NAV2: variants seen among roughly 807,000 people sequenced by gnomAD.
The protein encoded by NAV2 is neuron navigator 2.
A neutral mutation model predicts 223.2 loss-of-function variants in NAV2; 54 were observed. That is an observed-to-expected ratio of 0.24 (90% CI 0.19 to 0.30). The LOEUF (loss-of-function observed/expected upper bound fraction) is 0.30, where lower values mean the gene tolerates loss of function less well. NAV2 is among the 10% of genes least tolerant of loss of function. NAV2 has a pLI of 1.00. For missense variants in NAV2, 2,806 were observed against 3,147.5 expected (o/e 0.89, Z 2.60); for synonymous variants, 1,279 against 1,239.3 (o/e 1.03, Z -0.67).
In NAV2 at chr11:19,465,399, A is replaced by G. The variant is rs1391019459; in HGVS notation, c.75+114372A>G. On this transcript the variant is annotated intron_variant, in intron 1 of 37. Coordinates refer to the NAV2 transcript ENST00000360655. Reference sequence around the variant, plus strand: ...AGATCTTAACTTTTTCTTTTATAAAATAGCTTCTTTGTATTAAATAACCAT... The same window carrying G: ...AGATCTTAACTTTTTCTTTTATAAAGTAGCTTCTTTGTATTAAATAACCAT... 2.0e-5 allele frequency among the ~76,000 whole-genome samples: 3 copies of G among 152,234 alleles called. No homozygotes were observed. In the East Asian group the frequency reaches 5.8e-4, roughly 29 times the overall value.
chr11:19,860,005 C>CCCAA (rs2061628306), intron 3 of NAV2, among the ~76,000 whole-genome samples: 3 of 125,420 alleles, frequency 2.4e-5, no homozygotes, highest in African/African-American at 9.2e-5. Context: ...GCTGACCCCC[C>CCCAA]CTCCCTCCCG....
At chr11:19,425,794 T>A (rs943030255) in intron 1 of NAV2, among the ~76,000 whole-genome samples, 32 of 152,300 alleles carry the variant, frequency 2.1e-4, no homozygotes, top group African/African-American at 7.5e-4. Context: ...TCATATTAAA[T>A]CCCTTTTTGG....
Position 19,448,773 on chromosome 11 carries a change from C to A in NAV2, c.75+97746C>A, listed in dbSNP as rs182889187. On this transcript the variant is annotated intron_variant, in intron 1 of 37. Coordinates refer to the NAV2 transcript ENST00000360655. ...TGGATATTGCCTAACATATAGTTAG[C>A]ACTTAATAAATGCCATCCGTTTTCT... Among the ~76,000 whole-genome samples, 398 of 152,292 alleles carry A rather than the reference C, an allele frequency of 2.6e-3. 1 individual carries two copies. The highest frequency in any genetic ancestry group is 8.9e-3 in the African/African-American group (369 of 41,538).
chr11:19,444,094 C>A (rs1456761052), intron 1 of NAV2, among the ~76,000 whole-genome samples: 1 of 152,142 alleles, frequency 6.6e-6, no homozygotes, highest in East Asian at 1.9e-4. Flanking sequence ...GCCACCATGA[C>A]ACCACGACTG....
chr11:19,385,303 ATAAATATGTT>A (rs11279990), intron 1 of NAV2, among the ~76,000 whole-genome samples: 92,547 of 151,628 alleles, frequency 0.61, 30,257 homozygotes, highest in Non-Finnish European at 0.72. Context: ...ATAGTTTTGG[ATAAATATGTT>A]TATTCATTCA....
chr11:19,911,031 ATTTTTTT>A (rs996900212), intron 6 of NAV2, among the ~76,000 whole-genome samples: 49 of 123,392 alleles, frequency 4.0e-4, no homozygotes, highest in African/African-American at 1.4e-3. Flanking sequence ...TTGCAAGCAC[ATTTTTTT>A]TTTTTTTTTT....
intron 3 of NAV2, among the ~76,000 whole-genome samples, chr11:19,856,775 C>CAAA (rs148761054): frequency 0.096 from 14,561 of 152,204 alleles, 777 homozygotes; most frequent in Admixed American, 0.14. Flanking sequence ...AGTAGGTGAG[C>CAAA]AAAGTCCTGC....
intron 1 of NAV2, among the ~76,000 whole-genome samples, chr11:19,829,087 T>C (rs2059799956): frequency 6.6e-6 from 1 of 152,220 alleles, no homozygotes; most frequent in Admixed American, 6.5e-5. Context: ...TAAAGAACCT[T>C]AATCATCTAA....
At chr11:19,505,879 C>T (rs2043109077) in intron 1 of NAV2, 1 of 152,158 alleles carries the variant, frequency 6.6e-6, no homozygotes, top group Non-Finnish European at 1.5e-5. Context: ...AAAGGTGAGA[C>T]ACAAGGAAGC....
chr11:19,383,990 A>G (rs1346797422), intron 1 of NAV2, among the ~76,000 whole-genome samples: 2 of 152,264 alleles, frequency 1.3e-5, no homozygotes, highest in Middle Eastern at 3.2e-3. Flanking sequence ...GTAAATTTTC[A>G]GCAATAAGAA....
At chr11:19,614,518 C>A (rs2046737528) in intron 1 of NAV2, among the ~76,000 whole-genome samples, 1 of 152,140 alleles carries the variant, frequency 6.6e-6, no homozygotes, top group African/African-American at 2.4e-5. Flanking sequence ...CATATAGCAT[C>A]CTCTGCTATC....
intron 4 of NAV2, among the ~76,000 whole-genome samples, chr11:19,872,627 A>G (rs1349591443): frequency 6.6e-6 from 1 of 152,230 alleles, no homozygotes; most frequent in African/African-American, 2.4e-5. Context: ...CCATAGATAC[A>G]TCTCCACCCT....
chr11:19,583,298 A>G (rs1259407135), intron 1 of NAV2, among the ~76,000 whole-genome samples: 20 of 152,220 alleles, frequency 1.3e-4, no homozygotes. Context: ...GGGGTTTTCT[A>G]GATATACAAT....
chr11:19,424,894 A>C (rs1850765321), intron 1 of NAV2, among the ~76,000 whole-genome samples: 1 of 152,180 alleles, frequency 6.6e-6, no homozygotes, highest in African/African-American at 2.4e-5. Context: ...AGAATTTAAA[A>C]ATAAAAATAT....
At chr11:19,843,869 C>A (rs764817629) in intron 3 of NAV2, among the ~76,000 whole-genome samples, 2 of 151,018 alleles carry the variant, frequency 1.3e-5, no homozygotes, top group African/African-American at 2.4e-5. Flanking sequence ...GATTGGCATT[C>A]CTTGGGCTTA....
intron 1 of NAV2, among the ~76,000 whole-genome samples, chr11:19,428,067 G>C (rs1850903010): frequency 6.6e-6 from 1 of 152,034 alleles, no homozygotes; most frequent in Admixed American, 6.5e-5. Context: ...TCTTTACCCT[G>C]AGGTTGTAAA....
intron 3 of NAV2, among the ~76,000 whole-genome samples, chr11:19,864,431 A>G (rs1329822229): frequency 1.3e-5 from 2 of 152,242 alleles, no homozygotes; most frequent in Non-Finnish European, 2.9e-5. Context: ...GGAGATATAT[A>G]GCAGTGCTTC....
chr11:19,697,795 G>C (rs1473876758), intron 1 of NAV2, among the ~76,000 whole-genome samples: 1 of 152,230 alleles, frequency 6.6e-6, no homozygotes, highest in Non-Finnish European at 1.5e-5. Flanking sequence ...GGAAGGTGCA[G>C]ATGCTTGTGA....
intron 11 of NAV2, among the ~76,000 whole-genome samples, chr11:20,019,513 C>T (rs1223120867): frequency 6.6e-6 from 1 of 152,106 alleles, no homozygotes; most frequent in Non-Finnish European, 1.5e-5. Context: ...AGTTGTCTGC[C>T]TTCACCTAGT....
Sources: gnomAD v4.1 joint callset for allele counts (sites outside exome capture counted in the v4.1 genomes callset) on GRCh38, gnomAD v4.1.1 for gene constraint, MANE v1.5 for transcripts, NCBI Gene and HGNC (gene_info 2026-07-23, HGNC 2026-07-21) for gene names.